Variants in DMD observed in about 807,000 individuals in gnomAD.
DMD encodes dystrophin, also known as mutant dystrophin.
DMD carries 63 observed loss-of-function variants against 330.1 expected under a neutral mutation model. The ratio of observed to expected loss-of-function variants is 0.19; its 90% CI spans 0.16 to 0.24. The LOEUF (loss-of-function observed/expected upper bound fraction) is 0.24, where lower values mean the gene tolerates loss of function less well. Among genes scored for constraint, DMD ranks in the 10% least tolerant of loss-of-function variants. The pLI, the probability that DMD is intolerant of heterozygous loss-of-function variation, is 1.00. For synonymous variants in DMD, 1,223 were observed against 959.8 expected (o/e 1.27, Z -5.07); for missense variants, 3,344 against 2,684.1 (o/e 1.25, Z -5.43).
chrX:31,739,116 G>A (rs1224904281), intron 51 of DMD, among the ~76,000 whole-genome samples: 1 of 111,837 alleles, frequency 8.9e-6, no homozygotes, highest in Non-Finnish European at 1.9e-5. Context: ...AAGAATAAAT[G>A]CTTGAGGGGT....
chrX:32,338,870 T>C (rs936941856), intron 41 of DMD, among the ~76,000 whole-genome samples: 1 of 111,909 alleles, frequency 8.9e-6, no homozygotes, highest in East Asian at 2.8e-4. Context: ...CCTGTGTTTA[T>C]TCTGTGAATC....
chrX:32,155,417 T>C (rs752497757), intron 44 of DMD: 2 of 752,878 alleles, frequency 2.7e-6, no homozygotes, highest in Admixed American at 8.8e-5. Flanking sequence ...CGGATGCTTT[T>C]AGTTCAGAGC....
At chrX:31,667,601 T>C (rs948183899) in intron 53 of DMD, among the ~76,000 whole-genome samples, 1 of 110,574 alleles carries the variant, frequency 9.0e-6, no homozygotes, top group Non-Finnish European at 1.9e-5. Flanking sequence ...GATCTAGTAT[T>C]TGATAGCACA....
At chrX:31,428,038 T>A (rs2063811048) in intron 60 of DMD, among the ~76,000 whole-genome samples, 1 of 112,340 alleles carries the variant, frequency 8.9e-6, no homozygotes, top group African/African-American at 3.2e-5. Flanking sequence ...GTCCCATGCA[T>A]CTAAGTCAGA....
rs976611666 is a variant in DMD at position 31,939,330 on chromosome X, T to G, written c.6615-7103A>C. On this transcript the variant is annotated intron_variant, in intron 45 of 78. Coordinates refer to ENST00000357033, the MANE Select transcript of DMD (RefSeq NM_004006.3). ...CCCTAAAGTTTGTGTCTTGTCGGAA[T>G]GAAGTGCTCCTGAGGGGGATAATAT... Among the ~76,000 whole-genome samples the G allele has an allele frequency of 1.2e-4, 13 of 111,970 alleles. 1 individual carries two copies.
At chrX:31,976,214 A>C (rs1405009047) in intron 44 of DMD, among the ~76,000 whole-genome samples, 1 of 111,301 alleles carries the variant, frequency 9.0e-6, no homozygotes, top group Non-Finnish European at 1.9e-5. Flanking sequence ...TGGCATTTGG[A>C]AAGTAAATAC....
chrX:32,587,338 C>A (rs913633368), intron 13 of DMD, among the ~76,000 whole-genome samples: 2 of 111,844 alleles, frequency 1.8e-5, no homozygotes, highest in East Asian at 2.8e-4. Context: ...ATTAACGACA[C>A]TAACAGCAAT....
chrX:32,568,501 C>A (rs2052015699), intron 15 of DMD, among the ~76,000 whole-genome samples: 1 of 86,950 alleles, frequency 1.2e-5, no homozygotes, highest in Non-Finnish European at 2.1e-5. Flanking sequence ...AGCAAGACTC[C>A]ATCTCAAGAA....
intron 1 of DMD, among the ~76,000 whole-genome samples, chrX:33,081,426 AC>A (rs1412416447): frequency 9.0e-6 from 1 of 111,629 alleles, no homozygotes; most frequent in African/African-American, 3.3e-5. Flanking sequence ...GGCATGTGCC[AC>A]CACGCCTGGC....
chrX:31,515,206 A>C (rs909147872), intron 55 of DMD, among the ~76,000 whole-genome samples: 1 of 111,868 alleles, frequency 8.9e-6, no homozygotes, highest in African/African-American at 3.2e-5. Flanking sequence ...TTTTATTATT[A>C]ACCATTTTAT....
At chrX:32,670,793 G>A (rs1011069152) in intron 9 of DMD, among the ~76,000 whole-genome samples, 1 of 111,896 alleles carries the variant, frequency 8.9e-6, no homozygotes, top group Non-Finnish European at 1.9e-5. Flanking sequence ...TACTTCAAAT[G>A]ATTTAAAAAT....
chrX:32,859,507 AC>A, intron 2 of DMD, among the ~76,000 whole-genome samples: 1 of 93,465 alleles, frequency 1.1e-5, no homozygotes, highest in Non-Finnish European at 2.0e-5. Context: ...ACACACACAC[AC>A]ACAAGTTAAA....
chrX:31,800,039 T>C (rs1427350593), intron 50 of DMD, among the ~76,000 whole-genome samples: 3 of 112,782 alleles, frequency 2.7e-5, no homozygotes, highest in African/African-American at 9.7e-5. Context: ...GCTGCTATCA[T>C]GGCTAGCACT....
intron 10 of DMD, among the ~76,000 whole-genome samples, chrX:32,644,704 T>C (rs1197415311): frequency 9.1e-6 from 1 of 110,168 alleles, no homozygotes; most frequent in African/African-American, 3.3e-5. Context: ...AACTCAGGAA[T>C]GTAAGTAATG....
intron 44 of DMD, among the ~76,000 whole-genome samples, chrX:31,986,604 G>A (rs2095510894): frequency 9.0e-6 from 1 of 111,201 alleles, no homozygotes; most frequent in Non-Finnish European, 1.9e-5. Flanking sequence ...GTAGAGACGG[G>A]ATTCACCATG....
At chrX:32,641,407 C>CATATAT (rs1569366795) in intron 11 of DMD, 97 of 63,188 alleles carry the variant, frequency 1.5e-3, no homozygotes, top group African/African-American at 6.1e-3. Flanking sequence ...GTATTTTATA[C>CATATAT]GTATATATAT....
At chrX:33,079,972 A>G (rs189596697) in intron 1 of DMD, among the ~76,000 whole-genome samples, 1 of 112,357 alleles carries the variant, frequency 8.9e-6, no homozygotes, top group East Asian at 2.8e-4. Context: ...TTACAAAAAA[A>G]TCGTCTTCAA....
chrX:32,744,861 C>T (rs189648997), intron 7 of DMD, among the ~76,000 whole-genome samples: 130 of 112,076 alleles, frequency 1.2e-3, no homozygotes, highest in Non-Finnish European at 2.0e-3. Flanking sequence ...GAAGAGATTA[C>T]CATCAGGATC....
intron 25 of DMD, among the ~76,000 whole-genome samples, chrX:32,461,308 C>T (rs1450054528): frequency 1.8e-5 from 2 of 110,853 alleles, no homozygotes; most frequent in Admixed American, 9.7e-5. Context: ...TTGTTTTTAC[C>T]GCATCGTCTT....
Sources: gnomAD v4.1 joint callset for allele counts (sites outside exome capture counted in the v4.1 genomes callset) on GRCh38, gnomAD v4.1.1 for gene constraint, MANE v1.5 for transcripts, NCBI Gene and HGNC (gene_info 2026-07-23, HGNC 2026-07-21) for gene names.